The following NUTM1 variants were observed in gnomAD, a reference collection of about 807,000 sequenced individuals.
NUTM1 encodes NUT midline carcinoma family member 1.
In NUTM1, 39 loss-of-function variants were observed where a neutral mutation model predicts 88.7. That is an observed-to-expected ratio of 0.44 (90% confidence interval 0.34 to 0.57). NUTM1 has a LOEUF of 0.57. Ranked by LOEUF, NUTM1 falls within the 20% of genes least tolerant of loss-of-function variation. The pLI is 0.01. For synonymous variants in NUTM1, 494 were observed against 538.0 expected (o/e 0.92, Z 1.13); for missense variants, 1,350 against 1,414.5 (o/e 0.95, Z 0.73).
rs1473936564 is a variant in NUTM1, at chr15:34,356,281, C to T, written c.2273C>T (p.Ala758Val). The T allele has an allele frequency of 6.2e-7, 1 of 1,612,766 alleles. No individual in the cohort carries two copies. Among genetic ancestry groups the T allele is most frequent in the East Asian group, 2.2e-5 (1 of 44,854 alleles). Residue 758 changes from alanine (A) to valine (V), a missense_variant, in exon 8 of 8, where the codon GCT becomes GTT. By Grantham distance (64) the Ala-to-Val change is moderately conservative (BLOSUM62 0). Transcript: ENST00000537011. ...PGVWLSSEMD[A>V]VGLELPVQIE... The stretch of plus-strand genomic sequence containing the variant: ...GTTTGGCTGAGCAGTGAGATGGATG[C>T]TGTAGGCTTGGAGCTGCCTGTACAA...
intron 5 of NUTM1, 90 bp downstream of exon 5, chr15:34,353,962 C>A: frequency 7.2e-7 from 1 of 1,395,732 alleles, no homozygotes; most frequent in Non-Finnish European, 9.9e-7. Flanking sequence ...AAGGCATAGC[C>A]CAGGCTCTGC....
intron 3 of NUTM1, among the ~76,000 whole-genome samples, chr15:34,349,011 G>A (rs1048868498): frequency 6.6e-6 from 1 of 152,076 alleles, no homozygotes; most frequent in Non-Finnish European, 1.5e-5. Flanking sequence ...AAGTGCCAGG[G>A]TCCTCCCCCC....
Position 34,343,531 on chromosome 15 carries a change from C to G in NUTM1, c.-166C>G. ...TCCCTCCCCTCTTTTACATCCAGTTCCCCTGCTCCATTTCAAAGCGTTGGC... is the reference window on the plus strand; with the variant it reads ...TCCCTCCCCTCTTTTACATCCAGTTGCCCTGCTCCATTTCAAAGCGTTGGC... On this transcript the variant is annotated 5_prime_UTR_variant, in exon 1 of 8. Coordinates refer to ENST00000537011, the MANE Select transcript of NUTM1 (RefSeq NM_001284292.2). 1 of 1,487,640 alleles carries G rather than the reference C, an allele frequency of 6.7e-7. No individual in the cohort carries two copies. The highest frequency in any genetic ancestry group is 9.0e-7 in the Non-Finnish European group (1 of 1,107,408). 92.2% of individuals were successfully genotyped at this position (1,487,640 alleles called of 1,614,324 possible). A position where few individuals can be genotyped will look rare whatever the true frequency, so the allele number is the denominator to read the frequency against.
Position 34,356,453 on chromosome 15 carries a change from C to T in NUTM1, c.2445C>T (p.Pro815=), listed in dbSNP as rs144436434. The T allele has an allele frequency of 6.2e-7, 1 of 1,612,288 alleles. No homozygotes were observed. The highest frequency in any genetic ancestry group is 8.5e-7 in the Non-Finnish European group (1 of 1,178,968). The change falls in exon 8 of 8, where the codon CCC becomes CCT. Residue 815 remains proline (P), a synonymous_variant. Transcript: ENST00000537011. ...GGGATACGGAGAGCAGTGTGATTCC[C>T]TGTGGAGGCACAGTTGCGGCAGCTG... ...VPGDTESSVI[P]CGGTVAAAAL...
chr15:34,347,934 C>T (rs1424645038), intron 2 of NUTM1, 35 bp from the exon 3 acceptor site: 1 of 1,353,276 alleles, frequency 7.4e-7, no homozygotes, highest in Admixed American at 2.0e-5. Context: ...CTTCTTTTCT[C>T]CTACTCCATT....
Position 34,356,422 on chromosome 15 carries a change from T to A in NUTM1, c.2414T>A (p.Val805Glu), listed in dbSNP as rs184880215. 1.9e-6 allele frequency: 3 copies of A among 1,610,742 alleles called. No individual in the cohort carries two copies. The highest frequency in any genetic ancestry group is 4.5e-5 in the East Asian group (2 of 44,792). Residue 805 changes from valine (V) to glutamate (E), a missense_variant, in exon 8 of 8, where the codon GTA (valine) becomes GAA (glutamate). Transcript: ENST00000537011. ...TCCCTGGGTCCTGGAGAAACCCTAG[T>A]ACCTGGGGATACGGAGAGCAGTGTG... ...NISLGPGETL[V>E]PGDTESSVIP... is the part of the protein sequence containing the mutation.
At chr15:34,353,643 C>T in intron 4 of NUTM1, 93 bp from the exon 5 acceptor site, 2 of 1,509,742 alleles carry the variant, frequency 1.3e-6, no homozygotes, top group Non-Finnish European at 1.8e-6. Context: ...CCTGAGAGCA[C>T]TTCCTTTCTT....
intron 3 of NUTM1, among the ~76,000 whole-genome samples, chr15:34,350,271 C>CT (rs1406585996): frequency 7.2e-5 from 11 of 152,134 alleles, no homozygotes. Flanking sequence ...ACCACATGAC[C>CT]TTTAATTAGA....
intron 1 of NUTM1, among the ~76,000 whole-genome samples, chr15:34,345,039 G>T (rs923290519): frequency 9.9e-5 from 15 of 152,090 alleles, no homozygotes; most frequent in African/African-American, 3.6e-4. Context: ...TTAAATCTAA[G>T]TAGTTAATTT....
chr15:34,347,239 G>A (rs1890609273), intron 2 of NUTM1, among the ~76,000 whole-genome samples: 1 of 151,178 alleles, frequency 6.6e-6, no homozygotes, highest in Non-Finnish European at 1.5e-5. Flanking sequence ...GCAACATAGC[G>A]AGACGTCATC....
At chr15:34,353,259 G>GT (rs1890741805) in intron 4 of NUTM1, among the ~76,000 whole-genome samples, 1 of 152,040 alleles carries the variant, frequency 6.6e-6, no homozygotes, top group South Asian at 2.1e-4. Flanking sequence ...CAGTGGCACT[G>GT]TCATGGCTCA....
rs952592093 is a variant in NUTM1 at position 34,355,496 on chromosome 15, G to C, written c.1488G>C (p.Gln496His). The change falls in exon 8 of 8, where the codon CAG (glutamine) becomes CAC (histidine). Residue 496 changes from glutamine (Q) to histidine (H), a missense_variant. This residue lies in a region of NUTM1 where 126 missense variants were observed against 189.8 expected (regional missense o/e 0.66). Transcript: ENST00000537011. This position sits in a 1 kb window ranked among gnomAD's most constrained non-coding sequence, Gnocchi z 4.3. ...TTGTTCATTTCTTTCAGCTGGTCCA[G>C]AAGCGACTCATGGCCTTGGAAGAGG... is the stretch of plus-strand genomic sequence containing the variant. ...EEGLTLAQLV[Q>H]KRLMALEEEE... The C allele has an allele frequency of 2.5e-6, 4 of 1,614,096 alleles. No homozygotes were observed. Among genetic ancestry groups the C allele is most frequent in the Non-Finnish European group, 3.4e-6 (4 of 1,179,942 alleles).
In NUTM1 at chr15:34,356,611, G is replaced by C. The variant is rs1464370986; in HGVS notation, c.2603G>C (p.Cys868Ser). 1 of 1,613,842 alleles carries C rather than the reference G, an allele frequency of 6.2e-7. No homozygotes were observed. The highest frequency in any genetic ancestry group is 8.5e-7 in the Non-Finnish European group (1 of 1,180,012). ...GHPSDLWAEG[C>S]FPLLESGDST... ...CCCAGTGATCTGTGGGCAGAAGGTT[G>C]CTTCCCATTGCTAGAAAGTGGTGAT... Residue 868 changes from cysteine to serine, a missense_variant, in exon 8 of 8, where the codon TGC becomes TCC. Physicochemically the swap from Cys to Ser is moderately radical, Grantham distance 112. Transcript: ENST00000537011.
In NUTM1 at chr15:34,356,497, A is replaced by G; in HGVS notation, c.2489A>G (p.Tyr830Cys). ...VAAAALEKRN[Y>C]CSLPGPLRAN... The stretch of plus-strand genomic sequence containing the variant: ...GCAGCTGCCCTAGAAAAGAGAAACT[A>G]TTGCAGCTTGCCAGGACCTTTGAGG... Residue 830 changes from tyrosine (Y) to cysteine (C), a missense_variant, in exon 8 of 8, where the codon TAT becomes TGT. Tyr to Cys is a radical substitution (Grantham distance 194). Transcript: ENST00000537011. 1 of 1,613,966 alleles carries G rather than the reference A, an allele frequency of 6.2e-7. No homozygotes were observed. The highest frequency in any genetic ancestry group is 8.5e-7 in the Non-Finnish European group (1 of 1,179,956).
rs199644358 is a variant in NUTM1 at position 34,348,299 on chromosome 15, C to T, written c.431C>T (p.Ser144Leu). Residue 144 changes from serine to leucine, a missense_variant, in exon 3 of 8, where the codon TCG (serine) becomes TTG (leucine). By Grantham distance (145) the Ser-to-Leu change is moderately radical (BLOSUM62 -2). Around this residue, in one of 5 missense-constraint regions of NUTM1, gnomAD observed 399 missense variants for 397.9 expected, o/e 1.00. Coordinates refer to ENST00000537011, the MANE Select transcript of NUTM1 (RefSeq NM_001284292.2). Reference protein sequence around the residue: ...NFILTQTALNSTAPGTPCGGL... With the variant: ...NFILTQTALNLTAPGTPCGGL... Reference sequence around the variant, plus strand: ...ATCCTTACTCAGACTGCCCTCAATTCGACTGCCCCGGGCACTCCCTGTGGA... The same window carrying T: ...ATCCTTACTCAGACTGCCCTCAATTTGACTGCCCCGGGCACTCCCTGTGGA... The T allele has an allele frequency of 7.5e-5, 121 of 1,614,108 alleles. 1 individual carries two copies. In the Middle Eastern group the frequency reaches 1.2e-3, roughly 15 times the overall value.
rs1164897257 is a variant in NUTM1, at chr15:34,355,047, T to A, written c.1389T>A (p.Phe463Leu). Residue 463 changes from phenylalanine to leucine, a missense_variant, in exon 7 of 8, where the codon TTT becomes TTA. Physicochemically the swap from Phe to Leu is conservative, Grantham distance 22 (BLOSUM62 0). Around this residue, in one of 5 missense-constraint regions of NUTM1, gnomAD observed 126 missense variants for 189.8 expected, o/e 0.66. Transcript: ENST00000537011. This position sits in a 1 kb window ranked among gnomAD's most constrained non-coding sequence, Gnocchi z 4.3. ...SKVEAVIHPQ[F>L]LADLLSPEKQ... Reference sequence around the variant, plus strand: ...TGGAGGCTGTCATTCACCCTCAATTTCTGGCAGATCTGCTGTCCCCAGAAA... The same window carrying A: ...TGGAGGCTGTCATTCACCCTCAATTACTGGCAGATCTGCTGTCCCCAGAAA... 6.2e-7 allele frequency: 1 copy of A among 1,613,990 alleles called. No homozygotes were observed. The highest frequency in any genetic ancestry group is 8.5e-7 in the Non-Finnish European group (1 of 1,179,840).
chr15:34,348,202 G>C lies in NUTM1; in HGVS notation c.334G>C (p.Gly112Arg), dbSNP rs1208777345. The C allele has an allele frequency of 1.9e-6, 3 of 1,614,104 alleles. No individual in the cohort carries two copies. The highest frequency in any genetic ancestry group is 2.5e-6 in the Non-Finnish European group (3 of 1,179,920). The change falls in exon 3 of 8, where the codon GGG becomes CGG. Residue 112 changes from glycine (G) to arginine (R), a missense_variant. Transcript: ENST00000537011. ...GDGGPCLSGAGAGKVIVKVKT... is the reference protein window; with the variant it reads ...GDGGPCLSGARAGKVIVKVKT... Reference sequence around the variant, plus strand: ...TGGGGGCCCTTGCCTCAGTGGGGCTGGGGCTGGCAAGGTCATTGTCAAAGT... The same window carrying C: ...TGGGGGCCCTTGCCTCAGTGGGGCTCGGGCTGGCAAGGTCATTGTCAAAGT...
Position 34,357,251 on chromosome 15 carries a change from C to T in NUTM1, c.3243C>T (p.His1081=), listed in dbSNP as rs1392575899. 1 of 1,614,098 alleles carries T rather than the reference C, an allele frequency of 6.2e-7. No individual in the cohort carries two copies. Among genetic ancestry groups the T allele is most frequent in the Non-Finnish European group, 8.5e-7 (1 of 1,180,002 alleles). The change falls in exon 8 of 8, where the codon CAC becomes CAT. Residue 1081 remains histidine, a synonymous_variant. Transcript: ENST00000537011. ...SGGQGSQRAS[H]LLPAGAKGPS... ...GTCAGGGCAGCCAGAGAGCATCCCACCTGCTCCCTGCTGGAGCAAAAGGCC... is the reference window on the plus strand; with the variant it reads ...GTCAGGGCAGCCAGAGAGCATCCCATCTGCTCCCTGCTGGAGCAAAAGGCC...
chr15:34,353,999 G>A, intron 5 of NUTM1, 127 bp downstream of exon 5: 2 of 1,095,352 alleles, frequency 1.8e-6, no homozygotes, highest in Non-Finnish European at 2.6e-6. Context: ...AGTGGCATTT[G>A]ATATTCCAAA....
Sources: gnomAD v4.1 joint callset for allele counts (sites outside exome capture counted in the v4.1 genomes callset) on GRCh38, gnomAD v4.1.1 for gene constraint, gnomAD v4.1.1 regional missense constraint, Gnocchi (gnomAD v3.1) non-coding constraint, MANE v1.5 for transcripts, NCBI Gene and HGNC (gene_info 2026-07-23, HGNC 2026-07-21) for gene names.